Variants in CPED1 observed in about 807,000 individuals in gnomAD.
CPED1 encodes the protein cadherin like and PC-esterase domain containing 1.
CPED1 carries 114 observed loss-of-function variants against 128.2 expected under a neutral mutation model. The ratio of observed to expected loss-of-function variants is 0.89; its 90% CI spans 0.76 to 1.04. The LOEUF (loss-of-function observed/expected upper bound fraction) is 1.04. Ranked by LOEUF, CPED1 falls within the 50% of genes least tolerant of loss-of-function variation. CPED1 has a pLI of 0.00. For missense variants in CPED1, 1,211 were observed against 1,207.1 expected, an observed-to-expected ratio of 1.00 and a Z score of -0.05; for synonymous variants, 462 against 426.7, an observed-to-expected ratio of 1.08 and a Z score of -1.02.
chr7:121,194,506 T>C (rs1033584413), intron 16 of CPED1, among the ~76,000 whole-genome samples: 5 of 152,106 alleles, frequency 3.3e-5, no homozygotes, highest in Non-Finnish European at 5.9e-5. Flanking sequence ...TCTCCACATA[T>C]CAAGACTAAC....
intron 16 of CPED1, among the ~76,000 whole-genome samples, chr7:121,146,369 C>G (rs1220823694): frequency 6.6e-6 from 1 of 152,136 alleles, no homozygotes; most frequent in East Asian, 1.9e-4. Context: ...TCCGAAAAAT[C>G]TTAATACCAT....
At chr7:121,255,970 A>T (rs1791851757) in intron 18 of CPED1, among the ~76,000 whole-genome samples, 1 of 151,976 alleles carries the variant, frequency 6.6e-6, no homozygotes, top group Non-Finnish European at 1.5e-5. Flanking sequence ...TATTGTTAAA[A>T]TGGCCATACT....
At chr7:121,229,061 A>G (rs999550254) in intron 16 of CPED1, among the ~76,000 whole-genome samples, 1 of 151,962 alleles carries the variant, frequency 6.6e-6, no homozygotes, top group Non-Finnish European at 1.5e-5. Context: ...AATAAATTCA[A>G]TGTTTGATAT....
intron 6 of CPED1, among the ~76,000 whole-genome samples, chr7:121,099,351 T>C (rs1254365437): frequency 6.6e-6 from 1 of 152,118 alleles, no homozygotes; most frequent in Non-Finnish European, 1.5e-5. Flanking sequence ...CCTTTCCACC[T>C]TTTTATTTAA....
At chr7:121,130,392 AC>A in intron 12 of CPED1, 98 bp downstream of exon 12, 1 of 929,922 alleles carries the variant, frequency 1.1e-6, no homozygotes, top group South Asian at 1.8e-5. Flanking sequence ...AGCAGCAACA[AC>A]AAAAAAGTGT....
At chr7:121,012,957 T>C (rs1792198978) in intron 2 of CPED1, among the ~76,000 whole-genome samples, 1 of 152,190 alleles carries the variant, frequency 6.6e-6, no homozygotes, top group Admixed American at 6.5e-5. Flanking sequence ...TAAAAACTAC[T>C]CAAAGTTTTA....
intron 7 of CPED1, among the ~76,000 whole-genome samples, chr7:121,102,496 C>G (rs147043701): frequency 6.6e-6 from 1 of 152,038 alleles, no homozygotes; most frequent in Non-Finnish European, 1.5e-5. Flanking sequence ...GAATTTCACC[C>G]CCTAAACTCT....
Position 121,266,880 on chromosome 7 carries a change from T to A in CPED1, c.2633+72T>A, listed in dbSNP as rs543544004. On this transcript the variant is annotated intron_variant, in intron 20 of 22. Coordinates refer to ENST00000310396, the MANE Select transcript of CPED1 (RefSeq NM_024913.5). ...AGTTACTATGGATGTGACTGAGTTT[T>A]ATCCAGATTTTATTTAAAGAACAAC... The A allele has an allele frequency of 4.4e-5, 46 of 1,034,012 alleles. 1 individual carries two copies. The South Asian group carries it at 6.0e-4, about 14-fold the overall frequency. 64.1% of individuals were successfully genotyped at this position (1,034,012 alleles called of 1,614,324 possible).
At chr7:121,086,412 AAAGCCATTGAAACAACATTTT>A (rs1160901295) in intron 5 of CPED1, among the ~76,000 whole-genome samples, 6 of 152,230 alleles carry the variant, frequency 3.9e-5, no homozygotes, top group Admixed American at 3.9e-4. Flanking sequence ...TTGTTGTTTA[AAAGCCATTGAAACAACATTTT>A]AAGCCATTTG....
intron 18 of CPED1, among the ~76,000 whole-genome samples, chr7:121,258,649 C>T (rs542590250): frequency 6.6e-6 from 1 of 152,226 alleles, no homozygotes. Context: ...AAGGCAGGAA[C>T]TACCTATGAG....
intron 3 of CPED1, among the ~76,000 whole-genome samples, chr7:121,036,194 G>A (rs1238062783): frequency 1.3e-5 from 2 of 152,064 alleles, no homozygotes; most frequent in Non-Finnish European, 2.9e-5. Context: ...TAACTTAGTG[G>A]TGATTTCTGA....
chr7:121,075,271 C>T (rs1794095541), intron 5 of CPED1, among the ~76,000 whole-genome samples: 1 of 152,080 alleles, frequency 6.6e-6, no homozygotes, highest in Non-Finnish European at 1.5e-5. Flanking sequence ...ATTAGCATCA[C>T]AAGTCATTTT....
At chr7:121,243,087 A>G (rs898269385) in intron 17 of CPED1, among the ~76,000 whole-genome samples, 12 of 152,306 alleles carry the variant, frequency 7.9e-5, no homozygotes, top group African/African-American at 2.6e-4. Flanking sequence ...AATCAAAGCC[A>G]GAATGGACAA....
intron 4 of CPED1, among the ~76,000 whole-genome samples, chr7:121,052,400 TCCTTGGGCTTTCGTGGTCAAC>T (rs1165041700): frequency 1.3e-5 from 2 of 152,200 alleles, no homozygotes; most frequent in African/African-American, 2.4e-5. Flanking sequence ...TTGTCCCCTC[TCCTTGGGCTTTCGTGGTCAAC>T]CCTTTGCGCC....
intron 16 of CPED1, among the ~76,000 whole-genome samples, chr7:121,226,230 A>G (rs1000209076): frequency 1.3e-5 from 2 of 152,172 alleles, no homozygotes; most frequent in South Asian, 2.1e-4. Flanking sequence ...TCTTCTAACA[A>G]TCAGGTCCCT....
At chr7:121,256,130 A>G (rs1791862803) in intron 18 of CPED1, among the ~76,000 whole-genome samples, 1 of 35,194 alleles carries the variant, frequency 2.8e-5, no homozygotes, top group Non-Finnish European at 1.2e-4. Context: ...AAAACAAAAC[A>G]AAAAAAAAAA....
chr7:121,001,695 T>C (rs1474643508), intron 2 of CPED1, among the ~76,000 whole-genome samples: 1 of 152,082 alleles, frequency 6.6e-6, no homozygotes, highest in Non-Finnish European at 1.5e-5. Flanking sequence ...ATTCAGCCTT[T>C]CCAAGAGAAA....
chr7:121,031,921 G>T, intron 3 of CPED1, among the ~76,000 whole-genome samples: 1 of 152,070 alleles, frequency 6.6e-6, no homozygotes, highest in Non-Finnish European at 1.5e-5. Flanking sequence ...CTTAAGGAAA[G>T]ATAATTTAAA....
chr7:121,046,935 C>G lies in CPED1; in HGVS notation c.482C>G (p.Ala161Gly), dbSNP rs770756436. The G allele has an allele frequency of 1.2e-6, 2 of 1,612,644 alleles. No individual in the cohort carries two copies. The highest frequency in any genetic ancestry group is 2.7e-5 in the African/African-American group (2 of 74,874). The part of the protein sequence containing the change: ...DLLICLSSKK[A>G]EGTPCISKEV... ...CTCATTTGCCTGTCTTCTAAGAAAG[C>G]AGAAGGAACACCCTGTATATCCAAG... The change falls in exon 4 of 23, where the codon GCA (alanine) becomes GGA (glycine). Residue 161 changes from alanine (A) to glycine (G), a missense_variant. Ala to Gly is a moderately conservative substitution (Grantham distance 60). Transcript: ENST00000310396.
Sources: allele counts gnomAD v4.1 joint callset (sites outside exome capture counted in the v4.1 genomes callset), GRCh38; gene constraint gnomAD v4.1.1; transcripts MANE v1.5; gene names NCBI Gene and HGNC (gene_info 2026-07-23, HGNC 2026-07-21).